Variants in ANKRD27 observed in about 807,000 individuals in gnomAD.
ANKRD27 encodes the protein ankyrin repeat domain 27.
In ANKRD27, 112 loss-of-function variants were observed where a neutral mutation model predicts 129.7. The observed-to-expected ratio is 0.86, with a 90% CI of 0.74 to 1.01. The LOEUF is 1.01. Ranked by LOEUF, ANKRD27 falls within the 50% of genes least tolerant of loss-of-function variation. The pLI is 0.00. For synonymous variants in ANKRD27, 516 were observed against 511.2 expected, an observed-to-expected ratio of 1.01 and a Z score of -0.13; for missense variants, 1,258 against 1,300.5, an observed-to-expected ratio of 0.97 and a Z score of 0.50.
At chr19:32,614,480 A>T (rs446486) in intron 22 of ANKRD27, among the ~76,000 whole-genome samples, 1 of 151,682 alleles carries the variant, frequency 6.6e-6, no homozygotes, top group Non-Finnish European at 1.5e-5. Context: ...GAGATGGGCG[A>T]ATCACTTGAG....
intron 4 of ANKRD27, 63 bp from the exon 5 acceptor site, chr19:32,644,542 T>C: frequency 3.2e-6 from 5 of 1,584,608 alleles, no homozygotes; most frequent in Non-Finnish European, 4.3e-6. Flanking sequence ...CTCTGTCCTA[T>C]CCTACAGGGC....
At chr19:32,629,385 TAA>T (rs963356818) in intron 13 of ANKRD27, among the ~76,000 whole-genome samples, 18 of 151,914 alleles carry the variant, frequency 1.2e-4, no homozygotes, top group African/African-American at 3.6e-4. Flanking sequence ...CTGGAAATGT[TAA>T]AAGTTTCCCA....
chr19:32,619,407 G>A, intron 19 of ANKRD27, 28 bp from the exon 20 acceptor site: 1 of 1,613,824 alleles, frequency 6.2e-7, no homozygotes, highest in Non-Finnish European at 8.5e-7. Flanking sequence ...CAACGAGAGA[G>A]AGGACAGGAC....
chr19:32,636,225 G>T, intron 12 of ANKRD27: 1 of 164,758 alleles, frequency 6.1e-6, no homozygotes, highest in East Asian at 1.5e-4. Context: ...AGCCCATCTT[G>T]GTGTGCCTGC....
chr19:32,603,235 T>G (rs1237457648), intron 25 of ANKRD27, among the ~76,000 whole-genome samples: 1 of 151,752 alleles, frequency 6.6e-6, no homozygotes, highest in East Asian at 1.9e-4. Flanking sequence ...GAGGCAGAGG[T>G]TGCAGTGAGC....
chr19:32,620,614 C>T (rs1333946383), intron 18 of ANKRD27, among the ~76,000 whole-genome samples: 1 of 144,572 alleles, frequency 6.9e-6, no homozygotes, highest in Non-Finnish European at 1.5e-5. Flanking sequence ...AAAGCAGGGG[C>T]GGTGGCTCAC....
intron 12 of ANKRD27, chr19:32,637,631 C>T (rs73928832): frequency 1.3e-5 from 2 of 152,478 alleles, no homozygotes; most frequent in African/African-American, 4.8e-5. Flanking sequence ...CAGGAGCCCC[C>T]ATCTCCTACT....
rs1330142821 is a variant in ANKRD27 at position 32,599,733 on chromosome 19, G to C, written c.2890C>G (p.Pro964Ala). The change falls in exon 28 of 29, where the codon CCT becomes GCT. Residue 964 changes from proline to alanine, a missense_variant. Coordinates refer to ENST00000306065, the MANE Select transcript of ANKRD27 (RefSeq NM_032139.3). ...REIMARDRSV[P>A]NLTEGSLHEP... ...TGCAAAGAACCTTCGGTTAAATTAG[G>C]GACACTTCTATCTCTTGCCATAATC... The C allele has an allele frequency of 6.2e-7, 1 of 1,613,272 alleles. No homozygotes were observed. Among genetic ancestry groups the C allele is most frequent in the Non-Finnish European group, 8.5e-7 (1 of 1,179,820 alleles).
At chr19:32,618,451 G>GAAAAA (rs55674756) in intron 20 of ANKRD27, among the ~76,000 whole-genome samples, 1 of 100,322 alleles carries the variant, frequency 1.0e-5, no homozygotes, top group Non-Finnish European at 1.9e-5. Context: ...GTCCCAAAAA[G>GAAAAA]AAAAAAAAAA....
At chr19:32,650,862 C>G (rs1235462676) in intron 2 of ANKRD27, among the ~76,000 whole-genome samples, 1 of 150,824 alleles carries the variant, frequency 6.6e-6, no homozygotes, top group African/African-American at 2.4e-5. Context: ...CATCCTCCTG[C>G]CTCAGCCTCG....
intron 2 of ANKRD27, among the ~76,000 whole-genome samples, chr19:32,658,318 G>A (rs1014726621): frequency 2.0e-5 from 3 of 152,176 alleles, no homozygotes; most frequent in African/African-American, 4.8e-5. Flanking sequence ...TGTGGGGCCC[G>A]CCCCCGTCCA....
intron 25 of ANKRD27, among the ~76,000 whole-genome samples, chr19:32,603,139 A>G (rs544675910): frequency 2.6e-5 from 4 of 152,234 alleles, no homozygotes; most frequent in African/African-American, 9.6e-5. Context: ...TCTACAAAAA[A>G]TACAAAAATT....
chr19:32,645,015 C>T (rs1967274890), intron 4 of ANKRD27, among the ~76,000 whole-genome samples: 1 of 152,232 alleles, frequency 6.6e-6, no homozygotes, highest in African/African-American at 2.4e-5. Context: ...TCCACACCTC[C>T]TTAGCCCAGT....
intron 1 of ANKRD27, among the ~76,000 whole-genome samples, chr19:32,667,377 T>G: frequency 6.6e-6 from 1 of 152,272 alleles, no homozygotes; most frequent in East Asian, 1.9e-4. Flanking sequence ...CTTTCTGTTT[T>G]ATTTTTGTTT....
chr19:32,627,740 C>T (rs975038898), intron 15 of ANKRD27, among the ~76,000 whole-genome samples: 1 of 152,208 alleles, frequency 6.6e-6, no homozygotes, highest in African/African-American at 2.4e-5. Flanking sequence ...TTTTTAAAGG[C>T]AGGGCCACAA....
chr19:32,604,303 A>G lies in ANKRD27; in HGVS notation c.2615T>C (p.Leu872Pro), dbSNP rs1254760404. The change falls in exon 25 of 29, where the codon CTG becomes CCG. Residue 872 changes from leucine (L) to proline (P), a missense_variant. Leu to Pro is a moderately conservative substitution (Grantham distance 98). Coordinates refer to ENST00000306065, the MANE Select transcript of ANKRD27 (RefSeq NM_032139.3). ...TACAGCCGTGCGCTGCCGCTTGTTC[A>G]GCACCTGAACTGACGCTCCGTGGAG... ...LLLHGASVQV[L>P]NKRQRTAVDC... 1 of 1,613,688 alleles carries G rather than the reference A, an allele frequency of 6.2e-7. No homozygotes were observed. Among genetic ancestry groups the G allele is most frequent in the Non-Finnish European group, 8.5e-7 (1 of 1,179,986 alleles).
chr19:32,670,325 G>A (rs1286365983), intron 1 of ANKRD27, among the ~76,000 whole-genome samples: 2 of 151,972 alleles, frequency 1.3e-5, no homozygotes, highest in South Asian at 2.1e-4. Flanking sequence ...CCTTTCATCC[G>A]TGCTGTCACA....
At chr19:32,638,841 C>T (rs62124309) in intron 12 of ANKRD27, 23,324 of 173,580 alleles carry the variant, frequency 0.13, 2,813 homozygotes, top group African/African-American at 0.34. Context: ...CTCACATACC[C>T]CTCGCCACTC....
At chr19:32,616,449 A>C (rs1971920791) in intron 21 of ANKRD27, among the ~76,000 whole-genome samples, 1 of 149,854 alleles carries the variant, frequency 6.7e-6, no homozygotes, top group South Asian at 2.2e-4. Context: ...CCTTCTCAGG[A>C]GGCTGAAGCA....
Sources: allele counts gnomAD v4.1 joint callset (sites outside exome capture counted in the v4.1 genomes callset), GRCh38; gene constraint gnomAD v4.1.1; transcripts MANE v1.5; gene names NCBI Gene and HGNC (gene_info 2026-07-23, HGNC 2026-07-21).